NPY1R: variants seen among roughly 807,000 people sequenced by gnomAD.
NPY1R encodes the protein neuropeptide Y receptor Y1.
Under a neutral mutation model 24.1 loss-of-function variants are expected in NPY1R, and 10 were observed. The observed-to-expected ratio is 0.42, with a 90% CI of 0.26 to 0.71. The LOEUF (loss-of-function observed/expected upper bound fraction) is 0.71. Among genes scored for constraint, NPY1R ranks in the 30% least tolerant of loss-of-function variants. The pLI, the probability that NPY1R is intolerant of heterozygous loss-of-function variation, is 0.28. For synonymous variants in NPY1R, 168 were observed against 165.9 expected (o/e 1.01, Z -0.10); for missense variants, 350 against 458.0 (o/e 0.76, Z 2.15).
intron 1 of NPY1R, among the ~76,000 whole-genome samples, chr4:163,329,854 G>C (rs193276647): frequency 6.6e-6 from 1 of 151,802 alleles, no homozygotes; most frequent in East Asian, 1.9e-4. Context: ...GGACTCTTAG[G>C]AAATTAATTA....
rs1222326222 is a variant in NPY1R, at chr4:163,326,131, T to C, written c.424A>G (p.Ile142Val). The change falls in exon 2 of 3, where the codon ATA (isoleucine) becomes GTA (valine). Residue 142 changes from isoleucine to valine, a missense_variant. Transcript: ENST00000296533. The stretch of plus-strand genomic sequence containing the variant: ...GGTCTCCACCCTCGAGGGTTGATTA[T>C]CAGCTGATGTCGTTCCACAGCAATG... ...VLIAVERHQL[I>V]INPRGWRPNN... 6.2e-7 allele frequency: 1 copy of C among 1,614,116 alleles called. No individual in the cohort carries two copies. Among genetic ancestry groups the C allele is most frequent in the Non-Finnish European group, 8.5e-7 (1 of 1,179,998 alleles).
chr4:163,325,200 T>C lies in NPY1R; in HGVS notation c.*103A>G, dbSNP rs912790452. On this transcript the variant is annotated 3_prime_UTR_variant, in exon 3 of 3. Transcript: ENST00000296533. ...CAAGAAAATCTTAGTCATTTTCAAA[T>C]GATTTCAACCCCATTCCTTGGGAGA... 1.2e-6 allele frequency: 1 copy of C among 809,658 alleles called. No homozygotes were observed. The highest frequency in any genetic ancestry group is 2.0e-6 in the Non-Finnish European group (1 of 506,122). 50.2% of individuals were successfully genotyped at this position (809,658 alleles called of 1,614,324 possible). A position where few individuals can be genotyped will look rare whatever the true frequency, so the allele number is the denominator to read the frequency against.
chr4:163,331,528 T>TCC (rs1414893848), intron 1 of NPY1R, among the ~76,000 whole-genome samples: 21 of 151,672 alleles, frequency 1.4e-4, no homozygotes, highest in Admixed American at 1.3e-3. Context: ...TCTCTCTCTC[T>TCC]CATCAAAAAA....
chr4:163,339,578 G>A (rs1734928094), intron 1 of NPY1R, among the ~76,000 whole-genome samples: 1 of 151,958 alleles, frequency 6.6e-6, no homozygotes, highest in Non-Finnish European at 1.5e-5. Flanking sequence ...TTTGTTGAAA[G>A]ATTGAAAAAC....
chr4:163,330,755 C>G (rs1734707364), intron 1 of NPY1R: 1 of 152,210 alleles, frequency 6.6e-6, no homozygotes, highest in South Asian at 2.1e-4. Flanking sequence ...TTCTTTCTTT[C>G]CAATTAGAAT....
At chr4:163,335,953 TAGTC>T (rs376182257), upstream of NPY1R, among the ~76,000 whole-genome samples, 154 of 152,338 alleles carry the variant, frequency 1.0e-3, 1 homozygote, top group African/African-American at 3.2e-3. Flanking sequence ...CACAATCAAA[TAGTC>T]AGTACAATCA....
upstream of NPY1R, among the ~76,000 whole-genome samples, chr4:163,336,522 C>T (rs1018255037): frequency 2.6e-5 from 4 of 152,310 alleles, no homozygotes; most frequent in Admixed American, 2.6e-4. Context: ...AACATCTCTA[C>T]TTGGTCGTCT....
upstream of NPY1R, chr4:163,332,920 A>G (rs1331061145): frequency 2.0e-5 from 3 of 152,184 alleles, no homozygotes; most frequent in Non-Finnish European, 2.9e-5. Flanking sequence ...GGTCAGTGCC[A>G]TCTTGTGGCC....
At chr4:163,338,380 C>T (rs991727610) in intron 1 of NPY1R, among the ~76,000 whole-genome samples, 11 of 152,214 alleles carry the variant, frequency 7.2e-5, no homozygotes, top group Non-Finnish European at 1.5e-4. Flanking sequence ...CATCTGCTAA[C>T]GATACATAAG....
upstream of NPY1R, among the ~76,000 whole-genome samples, chr4:163,337,035 GC>G (rs1734855275): frequency 6.6e-6 from 1 of 152,096 alleles, no homozygotes; most frequent in South Asian, 2.1e-4. Flanking sequence ...GCAGGTGCAT[GC>G]AAAAATGGCA....
At position 163,325,946 on chromosome 4, in the gene NPY1R, T is replaced by A. The variant is rs752715586; in HGVS notation, c.609A>T (p.Pro203=). The A allele has an allele frequency of 6.2e-7, 1 of 1,614,032 alleles. No individual in the cohort carries two copies. The highest frequency in any genetic ancestry group is 8.5e-7 in the Non-Finnish European group (1 of 1,179,964). The change falls in exon 2 of 3, where the codon CCA becomes CCT. Residue 203 remains proline (P), a synonymous_variant. Transcript: ENST00000296533. ...KDKYVCFDQF[P]SDSHRLSYTT... is the part of the protein sequence containing the mutation. Reference sequence around the variant, plus strand: ...TATAAGACAACCTATGAGAGTCCGATGGAAATTGATCAAAGCACACGTATT... The same window carrying A: ...TATAAGACAACCTATGAGAGTCCGAAGGAAATTGATCAAAGCACACGTATT...
chr4:163,331,482 T>C (rs954452261), intron 1 of NPY1R, among the ~76,000 whole-genome samples: 3 of 151,726 alleles, frequency 2.0e-5, no homozygotes, highest in African/African-American at 7.3e-5. Flanking sequence ...CATTCCTGAC[T>C]CCCTACTACA....
At chr4:163,329,249 A>G (rs780706569) in intron 1 of NPY1R, among the ~76,000 whole-genome samples, 6 of 152,292 alleles carry the variant, frequency 3.9e-5, no homozygotes, top group Non-Finnish European at 7.4e-5. Flanking sequence ...ACAAGAAAAA[A>G]ATTAGTAAAA....
chr4:163,328,891 G>A (rs1382624509), intron 1 of NPY1R, among the ~76,000 whole-genome samples: 1 of 152,114 alleles, frequency 6.6e-6, no homozygotes, highest in African/African-American at 2.4e-5. Context: ...TAGGCATTGT[G>A]CATACTTCAT....
chr4:163,326,229 C>T lies in NPY1R; in HGVS notation c.326G>A (p.Gly109Asp). ...VYTLMDHWVF[G>D]EAMCKLNPFV... ...AGGATTCAACTTACACATCGCCTCACCAAAGACCCAGTGGTCCATTAATGT... is the reference window on the plus strand; with the variant it reads ...AGGATTCAACTTACACATCGCCTCATCAAAGACCCAGTGGTCCATTAATGT... Residue 109 changes from glycine (G) to aspartate (D), a missense_variant, in exon 2 of 3, where the codon GGT becomes GAT. By Grantham distance (94) the Gly-to-Asp change is moderately conservative. Transcript: ENST00000296533. 2.5e-6 allele frequency: 4 copies of T among 1,614,128 alleles called. No homozygotes were observed. Among genetic ancestry groups the T allele is most frequent in the Non-Finnish European group, 3.4e-6 (4 of 1,179,970 alleles).
intron 1 of NPY1R, among the ~76,000 whole-genome samples, chr4:163,341,286 G>A (rs931148818): frequency 6.6e-6 from 1 of 151,960 alleles, no homozygotes; most frequent in Admixed American, 6.6e-5. Flanking sequence ...AGAAAAAGTG[G>A]ATGAAGAAAC....
chr4:163,333,017 A>C (rs554875848), upstream of NPY1R: 2 of 151,360 alleles, frequency 1.3e-5, no homozygotes, highest in East Asian at 3.9e-4. Context: ...CGCCACAATA[A>C]TGGCACTAAT....
In NPY1R at chr4:163,326,369, G is replaced by T; in HGVS notation, c.186C>A (p.Ile62=). Residue 62 remains isoleucine, a synonymous_variant, in exon 2 of 3, where the codon ATC becomes ATA. Coordinates refer to ENST00000296533, the MANE Select transcript of NPY1R (RefSeq NM_000909.6). ...TCTCCTTTTGTTTCAAGATGATTAT[G>T]ATCAAGGCCAGGTTTCCAGAGACAC... ...ILGVSGNLAL[I]IIILKQKEMR... is the part of the protein sequence containing the mutation. 6.2e-7 allele frequency: 1 copy of T among 1,614,092 alleles called. No homozygotes were observed. The highest frequency in any genetic ancestry group is 8.5e-7 in the Non-Finnish European group (1 of 1,179,960).
intron 1 of NPY1R, chr4:163,330,924 A>C (rs1734710715): frequency 6.6e-6 from 1 of 152,224 alleles, no homozygotes; most frequent in Non-Finnish European, 1.5e-5. Context: ...TGTTACATAC[A>C]GCCTCCCAAA....
Sources: gnomAD v4.1 joint callset for allele counts (sites outside exome capture counted in the v4.1 genomes callset) on GRCh38, gnomAD v4.1.1 for gene constraint, MANE v1.5 for transcripts, NCBI Gene and HGNC (gene_info 2026-07-23, HGNC 2026-07-21) for gene names.